TANC1: variants seen among roughly 807,000 people sequenced by gnomAD.
The protein encoded by TANC1 is protein TANC1.
TANC1 carries 77 observed loss-of-function variants against 149.7 expected under a neutral mutation model. That is an observed-to-expected ratio of 0.51 (90% confidence interval 0.43 to 0.62). The LOEUF (loss-of-function observed/expected upper bound fraction) is 0.62. Ranked by LOEUF, TANC1 falls within the 20% of genes least tolerant of loss-of-function variation. The pLI, the probability that TANC1 is intolerant of heterozygous loss-of-function variation, is 0.00. For synonymous variants in TANC1, 854 were observed against 925.0 expected (o/e 0.92, Z 1.39); for missense variants, 1,985 against 2,321.8 (o/e 0.85, Z 2.98).
chr2:159,000,097 C>T (rs1245965109), intron 1 of TANC1, among the ~76,000 whole-genome samples: 1 of 152,092 alleles, frequency 6.6e-6, no homozygotes, highest in East Asian at 1.9e-4. Context: ...AGCTGCGTTT[C>T]AAGGGAGTAG....
chr2:158,980,503 G>A (rs745545303), intron 1 of TANC1, among the ~76,000 whole-genome samples: 40 of 151,984 alleles, frequency 2.6e-4, no homozygotes, highest in Admixed American at 2.0e-3. Flanking sequence ...TGGGCTGGGC[G>A]CGGTGGCTCA....
chr2:159,172,480 C>T (rs1006801755), intron 11 of TANC1, among the ~76,000 whole-genome samples: 1 of 152,188 alleles, frequency 6.6e-6, no homozygotes, highest in Non-Finnish European at 1.5e-5. Flanking sequence ...GGACCTGATC[C>T]ATCTTAAACA....
intron 3 of TANC1, among the ~76,000 whole-genome samples, chr2:159,072,909 C>G (rs954586153): frequency 2.0e-5 from 3 of 152,226 alleles, no homozygotes; most frequent in Admixed American, 6.5e-5. Context: ...ATACTAAAGG[C>G]TCTTCTCCCA....
At chr2:159,028,940 A>G (rs1019353789) in intron 2 of TANC1, among the ~76,000 whole-genome samples, 1 of 152,090 alleles carries the variant, frequency 6.6e-6, no homozygotes, top group Non-Finnish European at 1.5e-5. Context: ...TTTTTTATAG[A>G]GATGAGGATC....
chr2:159,217,123 G>A (rs1017842830), intron 19 of TANC1, among the ~76,000 whole-genome samples: 10 of 152,154 alleles, frequency 6.6e-5, no homozygotes, highest in African/African-American at 2.4e-4. Context: ...CATGCATGTG[G>A]CTGGCTGGCT....
At chr2:159,153,595 G>A (rs2053097267) in intron 7 of TANC1, among the ~76,000 whole-genome samples, 1 of 152,194 alleles carries the variant, frequency 6.6e-6, no homozygotes, top group Non-Finnish European at 1.5e-5. Context: ...AGGTGTGGTA[G>A]GGAGGAGAAG....
chr2:159,205,655 C>T lies in TANC1; in HGVS notation c.3244+6602C>T, dbSNP rs574400580. 2.6e-5 allele frequency among the ~76,000 whole-genome samples: 4 copies of T among 152,344 alleles called. No individual in the cohort carries two copies. The South Asian group carries it at 6.2e-4, about 24-fold the overall frequency. On this transcript the variant is annotated intron_variant, in intron 19 of 26. Coordinates refer to ENST00000263635, the MANE Select transcript of TANC1 (RefSeq NM_033394.3). The stretch of plus-strand genomic sequence containing the variant: ...AGTCTAGGCATGTAGTAGGCTACAC[C>T]ATCGAAGTTTGTGTAAGTCCACTAT...
chr2:159,073,528 G>A (rs2149739611), intron 3 of TANC1, among the ~76,000 whole-genome samples: 1 of 152,254 alleles, frequency 6.6e-6, no homozygotes, highest in East Asian at 1.9e-4. Context: ...TACTTGAGCT[G>A]CTTTTTGTAT....
chr2:159,181,314 T>C (rs1035532926), intron 14 of TANC1, among the ~76,000 whole-genome samples: 1 of 152,024 alleles, frequency 6.6e-6, no homozygotes, highest in African/African-American at 2.4e-5. Flanking sequence ...TTTTTTTTTT[T>C]TCAGACGGAG....
intron 20 of TANC1, among the ~76,000 whole-genome samples, chr2:159,218,028 C>T (rs2059457547): frequency 6.6e-6 from 1 of 152,198 alleles, no homozygotes; most frequent in Non-Finnish European, 1.5e-5. Context: ...AAATGTTTCC[C>T]TCTGGTCCAG....
chr2:158,983,543 A>C (rs993667724), intron 1 of TANC1, among the ~76,000 whole-genome samples: 6 of 152,058 alleles, frequency 3.9e-5, no homozygotes, highest in African/African-American at 1.4e-4. Context: ...AATATTGCTA[A>C]CAAACTCTGG....
chr2:159,040,662 A>G (rs767176040), intron 2 of TANC1, among the ~76,000 whole-genome samples: 4 of 152,180 alleles, frequency 2.6e-5, no homozygotes, highest in African/African-American at 9.7e-5. Context: ...CCATTCGTCT[A>G]ATCTTTTTTG....
intron 3 of TANC1, 104 bp downstream of exon 3, chr2:159,066,075 G>A: frequency 1.2e-6 from 1 of 856,320 alleles, no homozygotes; most frequent in South Asian, 1.3e-5. Flanking sequence ...GTCAGAGAGG[G>A]TTACCTGGGT....
intron 16 of TANC1, among the ~76,000 whole-genome samples, chr2:159,193,108 A>G (rs2057578337): frequency 6.6e-6 from 1 of 152,212 alleles, no homozygotes; most frequent in African/African-American, 2.4e-5. Context: ...TCAAAACTCT[A>G]TATCCCTTAA....
At chr2:159,043,206 A>G (rs2040790177) in intron 2 of TANC1, among the ~76,000 whole-genome samples, 1 of 152,110 alleles carries the variant, frequency 6.6e-6, no homozygotes, top group South Asian at 2.1e-4. Context: ...GGGAGGTCAG[A>G]GCTGGTGTTG....
chr2:159,198,334 C>T (rs1454938293), intron 18 of TANC1, among the ~76,000 whole-genome samples: 1 of 152,184 alleles, frequency 6.6e-6, no homozygotes, highest in Non-Finnish European at 1.5e-5. Flanking sequence ...ATTATTCAGC[C>T]TACCACAAAG....
intron 5 of TANC1, among the ~76,000 whole-genome samples, chr2:159,141,517 G>A (rs140887055): frequency 1.3e-5 from 2 of 152,328 alleles, no homozygotes; most frequent in African/African-American, 2.4e-5. Context: ...TCACGCCTTT[G>A]AGACCACATT....
At chr2:159,056,853 C>A in intron 2 of TANC1, 1 of 331,812 alleles carries the variant, frequency 3.0e-6, no homozygotes, top group South Asian at 3.1e-5. Flanking sequence ...CCATTGGCTT[C>A]AATCATAGGA....
intron 2 of TANC1, among the ~76,000 whole-genome samples, chr2:159,045,638 A>G (rs185315873): frequency 1.3e-5 from 2 of 152,256 alleles, no homozygotes; most frequent in Non-Finnish European, 2.9e-5. Flanking sequence ...ATAGTCATTA[A>G]TATTTGAGAT....
Sources: allele counts gnomAD v4.1 joint callset (sites outside exome capture counted in the v4.1 genomes callset), GRCh38; gene constraint gnomAD v4.1.1; transcripts MANE v1.5; gene names NCBI Gene and HGNC (gene_info 2026-07-23, HGNC 2026-07-21).